The following ADGRB3 variants were observed in gnomAD, a reference collection of about 807,000 sequenced individuals.
ADGRB3 encodes brain-specific angiogenesis inhibitor 3.
A neutral mutation model predicts 193.4 loss-of-function variants in ADGRB3; 37 were observed. That is an observed-to-expected ratio of 0.19 (90% CI 0.15 to 0.25). The LOEUF is 0.25. ADGRB3 is among the 10% of genes least tolerant of loss of function. The probability of loss-of-function intolerance (pLI) is 1.00; values close to 1 mark genes in which losing one functional copy is unlikely to be tolerated. For missense variants in ADGRB3, 1,637 were observed against 1,852.9 expected (o/e 0.88, Z 2.14); for synonymous variants, 690 against 644.2 (o/e 1.07, Z -1.08).
intron 20 of ADGRB3, among the ~76,000 whole-genome samples, chr6:69,261,766 G>A (rs1766934095): frequency 6.6e-6 from 1 of 151,958 alleles, no homozygotes; most frequent in African/African-American, 2.4e-5. Flanking sequence ...GAAGGCCAAA[G>A]CATTTTTACA....
At chr6:69,131,177 TAGAAATCATGAAATTA>T (rs1173385863) in intron 17 of ADGRB3, among the ~76,000 whole-genome samples, 1 of 152,068 alleles carries the variant, frequency 6.6e-6, no homozygotes, top group African/African-American at 2.4e-5. Context: ...GATATTTAAT[TAGAAATCATGAAATTA>T]TTGCAGAAGT....
In ADGRB3 at chr6:68,657,008, A is replaced by G. The variant is rs376592135; in HGVS notation, c.757+17576A>G. Among the ~76,000 whole-genome samples the G allele has an allele frequency of 4.2e-4, 64 of 151,634 alleles. 1 individual carries two copies. The East Asian group carries it at 0.01, about 24-fold the overall frequency. On this transcript the variant is annotated intron_variant, in intron 3 of 31. Coordinates refer to ENST00000370598, the MANE Select transcript of ADGRB3 (RefSeq NM_001704.3). ...TCTAAAACGTTGTTTTAGGCTGCCCATAGAAAATGAAGTATAATGACTTCG... is the reference window on the plus strand; with the variant it reads ...TCTAAAACGTTGTTTTAGGCTGCCCGTAGAAAATGAAGTATAATGACTTCG...
At chr6:68,966,781 A>G (rs1361512311) in intron 8 of ADGRB3, among the ~76,000 whole-genome samples, 1 of 152,208 alleles carries the variant, frequency 6.6e-6, no homozygotes, top group Admixed American at 6.5e-5. Flanking sequence ...TTCTATGTGT[A>G]GTATTTAACA....
At chr6:69,333,936 CAAAATAAAATAAAAT>C (rs70987461) in intron 24 of ADGRB3, among the ~76,000 whole-genome samples, 16,889 of 109,496 alleles carry the variant, frequency 0.15, 2,039 homozygotes, top group South Asian at 0.21. Flanking sequence ...TCTCAAAAAA[CAAAATAAAATAAAAT>C]AAAATAAAAT....
chr6:69,151,308 C>T (rs1592055), intron 17 of ADGRB3, among the ~76,000 whole-genome samples: 14,651 of 152,198 alleles, frequency 0.096, 932 homozygotes, highest in Middle Eastern at 0.18. Context: ...GATTCCCCTC[C>T]GGCCAGTGCT....
At chr6:68,787,760 A>C (rs1437937124) in intron 3 of ADGRB3, among the ~76,000 whole-genome samples, 2 of 152,034 alleles carry the variant, frequency 1.3e-5, no homozygotes, top group Admixed American at 6.6e-5. Flanking sequence ...TCTGGTAGAA[A>C]TCGGCTGTGA....
intron 3 of ADGRB3, among the ~76,000 whole-genome samples, chr6:68,914,345 T>C (rs1766814678): frequency 1.3e-5 from 2 of 152,138 alleles, no homozygotes; most frequent in Non-Finnish European, 2.9e-5. Flanking sequence ...AGCGGATCTC[T>C]CGGCAGAAAC....
Position 69,028,049 on chromosome 6 carries a change from TC to T in ADGRB3, c.2107+9551del, listed in dbSNP as rs1374391052. 7.2e-5 allele frequency among the ~76,000 whole-genome samples: 11 copies of T among 152,308 alleles called. No homozygotes were observed. The South Asian group carries it at 1.7e-3, about 23-fold the overall frequency. ...TGAGCCCATTTGATTTTTACTATTCTCAAGGAGACTGAGCAATTTTATCCTC... is the reference window on the plus strand; with the variant it reads ...TGAGCCCATTTGATTTTTACTATTCTAAGGAGACTGAGCAATTTTATCCTC... On this transcript the variant is annotated intron_variant, in intron 13 of 31. Coordinates refer to ENST00000370598, the MANE Select transcript of ADGRB3 (RefSeq NM_001704.3).
In ADGRB3 at chr6:69,148,215, T is replaced by A. The variant is rs142889869; in HGVS notation, c.2480+72177T>A. Among the ~76,000 whole-genome samples the A allele has an allele frequency of 9.4e-3, 1,435 of 152,294 alleles. 27 individuals are homozygous for A. The highest frequency in any genetic ancestry group is 0.033 in the African/African-American group (1,370 of 41,578). On this transcript the variant is annotated intron_variant, in intron 17 of 31. Transcript: ENST00000370598. ...TGTGGTCCTCTCTTCCTTCTTTCCTTCCTTCCTGTCTTCCTTTTAATAAAT... is the reference window on the plus strand; with the variant it reads ...TGTGGTCCTCTCTTCCTTCTTTCCTACCTTCCTGTCTTCCTTTTAATAAAT...
At chr6:69,296,792 A>G (rs1767828780) in intron 20 of ADGRB3, among the ~76,000 whole-genome samples, 1 of 152,122 alleles carries the variant, frequency 6.6e-6, no homozygotes, top group South Asian at 2.1e-4. Context: ...TCTCAGCAGA[A>G]AAGTATAAAC....
chr6:69,356,523 C>CT (rs1243508761), intron 28 of ADGRB3, among the ~76,000 whole-genome samples: 1 of 151,818 alleles, frequency 6.6e-6, no homozygotes, highest in Admixed American at 6.6e-5. Context: ...AGAGAGAGAA[C>CT]AAGAGAAATG....
chr6:68,896,486 C>T (rs149103818), intron 3 of ADGRB3, among the ~76,000 whole-genome samples: 251 of 151,594 alleles, frequency 1.7e-3, no homozygotes, highest in African/African-American at 4.8e-3. Flanking sequence ...TAGAAAATGC[C>T]GAGAATTTTG....
At position 68,778,886 on chromosome 6, in the gene ADGRB3, G is replaced by A. The variant is rs189338673; in HGVS notation, c.757+139454G>A. Among the ~76,000 whole-genome samples, 262 of 152,032 alleles carry A rather than the reference G, an allele frequency of 1.7e-3. 1 individual carries two copies. Among genetic ancestry groups the A allele is most frequent in the Non-Finnish European group, 1.9e-3 (129 of 67,950 alleles). The stretch of plus-strand genomic sequence containing the variant: ...ATTGTTTCTCAGTTAGGCTTCCAAG[G>A]ATCAGTGTAGCAAATGGGAACCCTG... On this transcript the variant is annotated intron_variant, in intron 3 of 31. Transcript: ENST00000370598.
intron 6 of ADGRB3, among the ~76,000 whole-genome samples, chr6:68,951,659 C>A (rs570338002): frequency 2.0e-5 from 3 of 152,274 alleles, no homozygotes; most frequent in Admixed American, 6.5e-5. Flanking sequence ...CCAGGGAACT[C>A]TTTTCTGACA....
At chr6:69,259,765 C>T (rs1403551868) in intron 20 of ADGRB3, among the ~76,000 whole-genome samples, 1 of 150,520 alleles carries the variant, frequency 6.6e-6, no homozygotes, top group East Asian at 1.9e-4. Context: ...TCTCTATTCG[C>T]AATAAGATCT....
chr6:68,804,257 G>A (rs781536961), intron 3 of ADGRB3, among the ~76,000 whole-genome samples: 19 of 152,132 alleles, frequency 1.2e-4, no homozygotes, highest in Non-Finnish European at 2.8e-4. Context: ...GTTGCCCTCT[G>A]TCTGTAATGC....
intron 17 of ADGRB3, among the ~76,000 whole-genome samples, chr6:69,190,831 A>G (rs1765170502): frequency 6.6e-6 from 1 of 152,128 alleles, no homozygotes; most frequent in South Asian, 2.1e-4. Flanking sequence ...TTAGATACAC[A>G]AATACTTATA....
At chr6:68,885,526 A>G (rs1339089858) in intron 3 of ADGRB3, among the ~76,000 whole-genome samples, 1 of 151,674 alleles carries the variant, frequency 6.6e-6, no homozygotes, top group Non-Finnish European at 1.5e-5. Flanking sequence ...TTTGAAATAG[A>G]CAGTATATAT....
At position 68,910,041 on chromosome 6, in the gene ADGRB3, G is replaced by A. The variant is rs1004797430; in HGVS notation, c.758-20518G>A. On this transcript the variant is annotated intron_variant, in intron 3 of 31. Coordinates refer to ENST00000370598, the MANE Select transcript of ADGRB3 (RefSeq NM_001704.3). The stretch of plus-strand genomic sequence containing the variant: ...CCACCAACAGTGTAAAAGTGTTCCT[G>A]TTTCTCCACATCCTCTCCAGCACCT... 2.6e-5 allele frequency among the ~76,000 whole-genome samples: 4 copies of A among 152,060 alleles called. No individual in the cohort carries two copies. The South Asian group carries it at 6.2e-4, about 24-fold the overall frequency.
Sources: gnomAD v4.1 joint callset for allele counts (sites outside exome capture counted in the v4.1 genomes callset) on GRCh38, gnomAD v4.1.1 for gene constraint, MANE v1.5 for transcripts, NCBI Gene and HGNC (gene_info 2026-07-23, HGNC 2026-07-21) for gene names.